The following KHDRBS2 variants were observed in gnomAD, a reference collection of about 807,000 sequenced individuals.
KHDRBS2 encodes the protein KH RNA binding domain containing, signal transduction associated 2, also known as KH domain-containing, RNA-binding, signal transduction-associated protein 2.
A neutral mutation model predicts 44.3 loss-of-function variants in KHDRBS2; 26 were observed. The observed-to-expected ratio is 0.59, with a 90% CI of 0.43 to 0.81. The LOEUF (loss-of-function observed/expected upper bound fraction) is 0.81, where lower values mean the gene tolerates loss of function less well. Among genes scored for constraint, KHDRBS2 ranks in the 40% least tolerant of loss-of-function variants. KHDRBS2 has a pLI of 0.00. For synonymous variants in KHDRBS2, 194 were observed against 151.1 expected, an observed-to-expected ratio of 1.28 and a Z score of -2.08; for missense variants, 476 against 433.1, an observed-to-expected ratio of 1.10 and a Z score of -0.88.
chr6:61,625,135 T>C, the KHDRBS2 span, among the ~76,000 whole-genome samples: 7 of 151,898 alleles, frequency 4.6e-5, no homozygotes, highest in African/African-American at 1.7e-4. Flanking sequence ...ATTTTAATGG[T>C]TAATTGACAT....
At chr6:61,593,773 C>T in the KHDRBS2 span, among the ~76,000 whole-genome samples, 1,111 of 152,128 alleles carry the variant, frequency 7.3e-3, 8 homozygotes, top group Non-Finnish European at 0.011. Flanking sequence ...TGGGTGAATT[C>T]TTCTTAAGGT....
intron 8 of KHDRBS2, among the ~76,000 whole-genome samples, chr6:61,691,754 C>T (rs1767409692): frequency 6.6e-6 from 1 of 152,030 alleles, no homozygotes; most frequent in South Asian, 2.1e-4. Flanking sequence ...TTGCTGTTTT[C>T]ACAGATTAAT....
chr6:62,066,653 A>G (rs3897873), intron 2 of KHDRBS2, among the ~76,000 whole-genome samples: 8,282 of 151,726 alleles, frequency 0.055, 306 homozygotes, highest in Non-Finnish European at 0.071. Context: ...ATATATGCTT[A>G]TGTTTGATAA....
At chr6:61,826,209 G>A (rs1790831169) in intron 6 of KHDRBS2, among the ~76,000 whole-genome samples, 1 of 151,980 alleles carries the variant, frequency 6.6e-6, no homozygotes, top group Non-Finnish European at 1.5e-5. Context: ...GTTAAAATTT[G>A]TCTCATCCAC....
intron 7 of KHDRBS2, among the ~76,000 whole-genome samples, chr6:61,714,912 G>A (rs1771132847): frequency 1.3e-5 from 2 of 151,746 alleles, no homozygotes; most frequent in Admixed American, 6.6e-5. Flanking sequence ...GGAACCAGAT[G>A]GTAAGTGGGT....
chr6:61,554,094 TG>T, the KHDRBS2 span, among the ~76,000 whole-genome samples: 1 of 152,174 alleles, frequency 6.6e-6, no homozygotes, highest in Non-Finnish European at 1.5e-5. Context: ...ATATTGCTAT[TG>T]GGGTGTTAAA....
chr6:61,922,056 T>C (rs555056888), intron 4 of KHDRBS2, among the ~76,000 whole-genome samples: 10 of 152,012 alleles, frequency 6.6e-5, no homozygotes, highest in Non-Finnish European at 1.3e-4. Context: ...TTATATGTAT[T>C]AGCCATTTGG....
At chr6:61,553,168 C>G in the KHDRBS2 span, among the ~76,000 whole-genome samples, 1 of 152,118 alleles carries the variant, frequency 6.6e-6, no homozygotes, top group Non-Finnish European at 1.5e-5. Context: ...ATTACTGATT[C>G]AAATTCAAAT....
At chr6:61,896,727 C>A (rs868488085) in intron 5 of KHDRBS2, among the ~76,000 whole-genome samples, 1 of 152,118 alleles carries the variant, frequency 6.6e-6, no homozygotes, top group Non-Finnish European at 1.5e-5. Context: ...TTTACTTCCT[C>A]TACATTCCTG....
At position 61,853,393 on chromosome 6, in the gene KHDRBS2, A is replaced by C. The variant is rs549124044; in HGVS notation, c.810+41242T>G. ...TAAGCCTGTATCATACTGTAGAAAA[A>C]TGATTATAATAAAAAGTTGCATAAA... On this transcript the variant is annotated intron_variant, in intron 6 of 8. Coordinates refer to ENST00000281156, the MANE Select transcript of KHDRBS2 (RefSeq NM_152688.4). Among the ~76,000 whole-genome samples, 146 of 152,296 alleles carry C rather than the reference A, an allele frequency of 9.6e-4. 2 individuals carry two copies. Among genetic ancestry groups the C allele is most frequent in the African/African-American group, 3.2e-3 (134 of 41,572 alleles).
intron 7 of KHDRBS2, among the ~76,000 whole-genome samples, chr6:61,716,968 G>T (rs1362828708): frequency 6.6e-6 from 1 of 151,960 alleles, no homozygotes; most frequent in Non-Finnish European, 1.5e-5. Flanking sequence ...AATTAACCTG[G>T]TGAGGAGAAA....
rs182713763 is a variant in KHDRBS2 at position 62,277,436 on chromosome 6, G to T, written c.91+8422C>A. On this transcript the variant is annotated intron_variant, in intron 1 of 8. Coordinates refer to ENST00000281156, the MANE Select transcript of KHDRBS2 (RefSeq NM_152688.4). Reference sequence around the variant, plus strand: ...GGCTCACTGCAACCTCCACCTCCCGGGTTCACACCATTCTCCTGCCTCAGC... The same window carrying T: ...GGCTCACTGCAACCTCCACCTCCCGTGTTCACACCATTCTCCTGCCTCAGC... Among the ~76,000 whole-genome samples the T allele has an allele frequency of 2.3e-3, 355 of 152,088 alleles. 1 individual carries two copies. Among genetic ancestry groups the T allele is most frequent in the Non-Finnish European group, 2.9e-3 (194 of 68,006 alleles).
chr6:62,081,792 ATTG>A (rs901079464), intron 2 of KHDRBS2, among the ~76,000 whole-genome samples: 4 of 151,964 alleles, frequency 2.6e-5, no homozygotes, highest in Non-Finnish European at 5.9e-5. Flanking sequence ...ATGGTTTGTT[ATTG>A]TTAAAATTTT....
At chr6:61,577,090 G>A in the KHDRBS2 span, among the ~76,000 whole-genome samples, 1 of 150,850 alleles carries the variant, frequency 6.6e-6, no homozygotes, top group South Asian at 2.1e-4. Context: ...ATGATACCTG[G>A]TAGTTGTGTT....
At chr6:62,128,454 A>G (rs997268547) in intron 2 of KHDRBS2, among the ~76,000 whole-genome samples, 1 of 152,092 alleles carries the variant, frequency 6.6e-6, no homozygotes, top group Non-Finnish European at 1.5e-5. Flanking sequence ...GTTTTAATAG[A>G]TATCTTACTG....
chr6:62,042,865 T>TA (rs1279213056), intron 3 of KHDRBS2, among the ~76,000 whole-genome samples: 1 of 152,128 alleles, frequency 6.6e-6, no homozygotes, highest in Non-Finnish European at 1.5e-5. Context: ...ATTTTTCAAA[T>TA]AAAAATCCAC....
chr6:61,792,825 G>A (rs890671724), intron 6 of KHDRBS2, among the ~76,000 whole-genome samples: 1 of 151,878 alleles, frequency 6.6e-6, no homozygotes, highest in East Asian at 1.9e-4. Flanking sequence ...AGAGATGTCA[G>A]CCTTTCCCAA....
At chr6:62,083,027 G>A (rs1367353975) in intron 2 of KHDRBS2, among the ~76,000 whole-genome samples, 3 of 152,158 alleles carry the variant, frequency 2.0e-5, no homozygotes, top group African/African-American at 7.2e-5. Flanking sequence ...GGTCCCTGGT[G>A]AGGATTCCAC....
At chr6:62,086,392 C>A (rs79683684) in intron 2 of KHDRBS2, among the ~76,000 whole-genome samples, 1,883 of 152,072 alleles carry the variant, frequency 0.012, 19 homozygotes, top group Non-Finnish European at 0.015. Context: ...TTTAATTAAG[C>A]AAGACAGTGG....
Sources: allele counts gnomAD v4.1 joint callset (sites outside exome capture counted in the v4.1 genomes callset), GRCh38; gene constraint gnomAD v4.1.1; transcripts MANE v1.5; gene names NCBI Gene and HGNC (gene_info 2026-07-23, HGNC 2026-07-21).